CAMKMT: variants seen among roughly 807,000 people sequenced by gnomAD.
CAMKMT encodes the protein CaM KMT.
CAMKMT carries 53 observed loss-of-function variants against 48.0 expected under a neutral mutation model. That is an observed-to-expected ratio of 1.10 (90% CI 0.89 to 1.39). The LOEUF is 1.39. CAMKMT is among the 40% of genes most tolerant of loss of function. The pLI is 0.00. For synonymous variants in CAMKMT, 165 were observed against 152.3 expected (o/e 1.08, Z -0.61); for missense variants, 428 against 402.7 (o/e 1.06, Z -0.54).
At chr2:44,686,773 G>GA (rs1422797627) in intron 3 of CAMKMT, among the ~76,000 whole-genome samples, 4 of 152,226 alleles carry the variant, frequency 2.6e-5, no homozygotes, top group Non-Finnish European at 4.4e-5. Flanking sequence ...TATACCACCA[G>GA]ACAGGTCACT....
At chr2:44,580,883 A>G (rs1016068990) in intron 3 of CAMKMT, among the ~76,000 whole-genome samples, 3 of 152,218 alleles carry the variant, frequency 2.0e-5, no homozygotes, top group Admixed American at 6.5e-5. Context: ...TTGTATAATC[A>G]GTAGATAGAG....
chr2:44,614,953 T>TTTTTTTTTTTTTTTTC (rs1459090690), intron 3 of CAMKMT, among the ~76,000 whole-genome samples: 1 of 133,418 alleles, frequency 7.5e-6, no homozygotes, highest in African/African-American at 3.0e-5. Context: ...TTTTTTTTTT[T>TTTTTTTTTTTTTTTTC]TTTTTTTGAG....
intron 3 of CAMKMT, among the ~76,000 whole-genome samples, chr2:44,578,243 T>G (rs1047910628): frequency 2.0e-5 from 3 of 152,214 alleles, no homozygotes; most frequent in East Asian, 1.9e-4. Context: ...CATAAAGTAC[T>G]TTAACATTTA....
At chr2:44,525,511 C>T (rs1210939913) in intron 3 of CAMKMT, among the ~76,000 whole-genome samples, 1 of 152,180 alleles carries the variant, frequency 6.6e-6, no homozygotes, top group Non-Finnish European at 1.5e-5. Context: ...TCCTCGGCCT[C>T]CCAAAGTGCT....
chr2:44,502,346 A>G (rs1268886387), intron 3 of CAMKMT, among the ~76,000 whole-genome samples: 2 of 152,128 alleles, frequency 1.3e-5, no homozygotes, highest in African/African-American at 2.4e-5. Context: ...ACTGATTAGT[A>G]TCCTTGTCTC....
At chr2:44,735,916 C>T (rs1344826264) in intron 7 of CAMKMT, among the ~76,000 whole-genome samples, 1 of 151,774 alleles carries the variant, frequency 6.6e-6, no homozygotes, top group Non-Finnish European at 1.5e-5. Context: ...CAAAACAAAA[C>T]AAAACAAAAC....
chr2:44,596,622 A>C (rs536152695), intron 3 of CAMKMT, among the ~76,000 whole-genome samples: 2 of 152,240 alleles, frequency 1.3e-5, no homozygotes, highest in African/African-American at 4.8e-5. Context: ...GTAATCTCTT[A>C]AAGTCCAGTC....
chr2:44,409,664 A>G (rs1401748357), intron 3 of CAMKMT, among the ~76,000 whole-genome samples: 2 of 152,192 alleles, frequency 1.3e-5, no homozygotes, highest in Non-Finnish European at 2.9e-5. Context: ...AAAATGTGAG[A>G]TCATACATTA....
chr2:44,603,303 C>G (rs1467666369), intron 3 of CAMKMT, among the ~76,000 whole-genome samples: 2 of 152,104 alleles, frequency 1.3e-5, no homozygotes, highest in Non-Finnish European at 2.9e-5. Flanking sequence ...GTTGGCCAGG[C>G]TGGTCTTGAA....
chr2:44,380,459 G>A (rs963217773), intron 2 of CAMKMT, among the ~76,000 whole-genome samples: 8 of 151,862 alleles, frequency 5.3e-5, no homozygotes, highest in Non-Finnish European at 2.9e-5. Context: ...CATTACTAGC[G>A]AACCACAGAG....
At chr2:44,458,674 C>A (rs1341235456) in intron 3 of CAMKMT, among the ~76,000 whole-genome samples, 2 of 152,194 alleles carry the variant, frequency 1.3e-5, no homozygotes, top group South Asian at 2.1e-4. Context: ...TTTAATCCAA[C>A]AACCAGCTTT....
At position 44,536,683 on chromosome 2, in the gene CAMKMT, C is replaced by CA. The variant is rs113885065; in HGVS notation, c.376+146384dup. Among the ~76,000 whole-genome samples, 3 of 151,732 alleles carry CA rather than the reference C, an allele frequency of 2.0e-5. No individual in the cohort carries two copies. In the South Asian group the frequency reaches 6.3e-4, roughly 32 times the overall value. ...AATAATCCCCAAATTTGTATGGAAC[C>CA]AAAAAAGAGCCTGAATAGGCAAACC... On this transcript the variant is annotated intron_variant, in intron 3 of 10. Transcript: ENST00000378494.
chr2:44,411,785 A>C (rs1683220299), intron 3 of CAMKMT, among the ~76,000 whole-genome samples: 1 of 151,938 alleles, frequency 6.6e-6, no homozygotes, highest in Non-Finnish European at 1.5e-5. Flanking sequence ...CAGTTGCCTT[A>C]GTTTTTTTAA....
chr2:44,708,435 C>T (rs369016642), intron 6 of CAMKMT, among the ~76,000 whole-genome samples: 3 of 151,580 alleles, frequency 2.0e-5, no homozygotes, highest in African/African-American at 4.8e-5. Context: ...AAAGGAGGAA[C>T]GAGAAGCACA....
rs1674222183 is a variant in CAMKMT, at chr2:44,653,907, A to G, written c.377-50376A>G. Among the ~76,000 whole-genome samples, 1 of 152,216 alleles carries G rather than the reference A, an allele frequency of 6.6e-6. No individual in the cohort carries two copies. Among genetic ancestry groups the G allele is most frequent in the Non-Finnish European group, 1.5e-5 (1 of 68,032 alleles). ...AAAACTGTCACATTTTAGCCTAAAG[A>G]CTAGGAGTATTTTTCAGTTCCAGTA... On this transcript the variant is annotated intron_variant, in intron 3 of 10. Transcript: ENST00000378494. The surrounding 1 kb of genome is among the most constrained non-coding windows in gnomAD (Gnocchi z 5.2).
intron 6 of CAMKMT, among the ~76,000 whole-genome samples, chr2:44,711,831 TAG>T (rs1677894475): frequency 6.6e-6 from 1 of 152,186 alleles, no homozygotes; most frequent in Non-Finnish European, 1.5e-5. Context: ...ACTTCTGTTT[TAG>T]AGATGGAGCT....
At chr2:44,599,702 A>G (rs1176083925) in intron 3 of CAMKMT, among the ~76,000 whole-genome samples, 1 of 152,040 alleles carries the variant, frequency 6.6e-6, no homozygotes, top group African/African-American at 2.4e-5. Context: ...TAGATTCCAC[A>G]AACATTTTTA....
rs1054497157 is a variant in CAMKMT, at chr2:44,653,450, A to C, written c.377-50833A>C. Among the ~76,000 whole-genome samples the C allele has an allele frequency of 6.6e-6, 1 of 152,220 alleles. No individual in the cohort carries two copies. Among genetic ancestry groups the C allele is most frequent in the Non-Finnish European group, 1.5e-5 (1 of 68,034 alleles). On this transcript the variant is annotated intron_variant, in intron 3 of 10. Transcript: ENST00000378494. The surrounding 1 kb of genome is among the most constrained non-coding windows in gnomAD (Gnocchi z 5.2). ...GGAACATTAGATATAGTTTTATCTC[A>C]TTGATAGAGAAACATGGGCCCTTAG...
intron 9 of CAMKMT, among the ~76,000 whole-genome samples, chr2:44,757,771 T>C (rs1680441282): frequency 6.6e-6 from 1 of 152,022 alleles, no homozygotes; most frequent in Non-Finnish European, 1.5e-5. Flanking sequence ...CCTATGTTGA[T>C]CAGGCTGGTC....
Sources: allele counts gnomAD v4.1 joint callset (sites outside exome capture counted in the v4.1 genomes callset), GRCh38; gene constraint gnomAD v4.1.1; non-coding constraint Gnocchi (gnomAD v3.1); transcripts MANE v1.5; gene names NCBI Gene and HGNC (gene_info 2026-07-23, HGNC 2026-07-21).